JAKMIP2: variants seen among roughly 807,000 people sequenced by gnomAD.
JAKMIP2 encodes janus kinase and microtubule-interacting protein 2.
Under a neutral mutation model 115.0 loss-of-function variants are expected in JAKMIP2, and 25 were observed. The observed-to-expected ratio is 0.22, with a 90% CI of 0.16 to 0.30. JAKMIP2 has a LOEUF of 0.30. Among genes scored for constraint, JAKMIP2 ranks in the 10% least tolerant of loss-of-function variants. The pLI, the probability that JAKMIP2 is intolerant of heterozygous loss-of-function variation, is 1.00. For synonymous variants in JAKMIP2, 334 were observed against 343.6 expected, an observed-to-expected ratio of 0.97 and a Z score of 0.31; for missense variants, 642 against 957.6, an observed-to-expected ratio of 0.67 and a Z score of 4.35.
intron 17 of JAKMIP2, among the ~76,000 whole-genome samples, 153 bp from the exon 18 acceptor site, chr5:147,620,896 C>T (rs1756817367): frequency 6.6e-6 from 1 of 152,038 alleles, no homozygotes; most frequent in African/African-American, 2.4e-5. Flanking sequence ...AATAGTTCAA[C>T]TCTCATAGTC....
At chr5:147,681,016 G>A (rs1760237107) in intron 1 of JAKMIP2, among the ~76,000 whole-genome samples, 1 of 152,022 alleles carries the variant, frequency 6.6e-6, no homozygotes, top group Admixed American at 6.6e-5. Flanking sequence ...GTATGAAATC[G>A]CTGTCTTTAT....
intron 7 of JAKMIP2, among the ~76,000 whole-genome samples, chr5:147,642,982 T>G (rs1757953803): frequency 6.6e-6 from 1 of 152,066 alleles, no homozygotes; most frequent in Non-Finnish European, 1.5e-5. Context: ...TTCTCCTGAT[T>G]CTTCCTGCCC....
In JAKMIP2 at chr5:147,775,409, C is replaced by T. The variant is rs372604506; in HGVS notation, c.-149+7047G>A. ...TGAGTGTGTATCATATAACTTGCTG[C>T]TTATAATAATTAAATTACTAACTTA... On this transcript the variant is annotated intron_variant, in intron 1 of 21. Transcript: ENST00000616793. Among the ~76,000 whole-genome samples, 6 of 151,948 alleles carry T rather than the reference C, an allele frequency of 3.9e-5. No homozygotes were observed. The South Asian group carries it at 1.2e-3, about 32-fold the overall frequency.
chr5:147,746,594 C>A (rs996039484), intron 1 of JAKMIP2, among the ~76,000 whole-genome samples: 3 of 151,704 alleles, frequency 2.0e-5, no homozygotes, highest in African/African-American at 7.3e-5. Flanking sequence ...GAAAGTACTC[C>A]AGAAACATAG....
intron 1 of JAKMIP2, among the ~76,000 whole-genome samples, chr5:147,708,281 A>G (rs539331741): frequency 6.6e-6 from 1 of 152,330 alleles, no homozygotes; most frequent in East Asian, 1.9e-4. Context: ...CTCAGACATT[A>G]ACTCTCAAAA....
At chr5:147,705,127 G>A (rs952304631) in intron 1 of JAKMIP2, among the ~76,000 whole-genome samples, 4 of 152,150 alleles carry the variant, frequency 2.6e-5, no homozygotes, top group African/African-American at 9.7e-5. Flanking sequence ...TTCTTAAAAT[G>A]CCTTTTACAT....
At chr5:147,632,874 C>T in intron 12 of JAKMIP2, 96 bp from the exon 13 acceptor site, 1 of 698,470 alleles carries the variant, frequency 1.4e-6, no homozygotes, top group Non-Finnish European at 2.5e-6. Flanking sequence ...GTGAATAAGT[C>T]TTCCAGACCA....
At chr5:147,775,728 A>G (rs1302076552) in intron 1 of JAKMIP2, among the ~76,000 whole-genome samples, 1 of 152,212 alleles carries the variant, frequency 6.6e-6, no homozygotes, top group Middle Eastern at 3.2e-3. Context: ...TGAAAGAGCT[A>G]CTAGTTGAAG....
intron 18 of JAKMIP2, among the ~76,000 whole-genome samples, chr5:147,619,196 C>T (rs1049228589): frequency 3.9e-5 from 6 of 152,086 alleles, no homozygotes; most frequent in African/African-American, 1.4e-4. Context: ...TTTCCTAGCT[C>T]TTGTCCTGGG....
Position 147,611,263 on chromosome 5 carries a change from C to T in JAKMIP2, c.2412+1043G>A, listed in dbSNP as rs118109551. 0.011 allele frequency among the ~76,000 whole-genome samples: 1,673 copies of T among 152,312 alleles called. 59 individuals carry two copies. In the East Asian group the frequency reaches 0.13, roughly 11 times the overall value. On this transcript the variant is annotated intron_variant, in intron 20 of 21. Coordinates refer to ENST00000616793, the MANE Select transcript of JAKMIP2 (RefSeq NM_001270941.2). ...AAAACTCATGCAGCTAGCTCAGTGT[C>T]TGCCCAAACAGCCTCCTAGTTTTGT...
At chr5:147,715,892 G>A (rs1054979120) in intron 1 of JAKMIP2, among the ~76,000 whole-genome samples, 1 of 134,266 alleles carries the variant, frequency 7.4e-6, no homozygotes. Flanking sequence ...TGTGCACAAT[G>A]TGCAGGTTAG....
At chr5:147,728,785 T>C (rs1339327231) in intron 1 of JAKMIP2, among the ~76,000 whole-genome samples, 1 of 152,212 alleles carries the variant, frequency 6.6e-6, no homozygotes, top group Non-Finnish European at 1.5e-5. Flanking sequence ...GTTTGCTAAA[T>C]GCTTTAAGGT....
intron 1 of JAKMIP2, among the ~76,000 whole-genome samples, chr5:147,758,351 T>A (rs1041607102): frequency 3.3e-5 from 5 of 152,020 alleles, no homozygotes; most frequent in Admixed American, 6.6e-5. Context: ...TTAGGAGAGG[T>A]AAAAATAACT....
rs565477263 is a variant in JAKMIP2, at chr5:147,607,365, T to C, written c.2412+4941A>G. Among the ~76,000 whole-genome samples, 16 of 152,326 alleles carry C rather than the reference T, an allele frequency of 1.1e-4. No individual in the cohort carries two copies. The South Asian group carries it at 2.9e-3, about 28-fold the overall frequency. ...TATGTTCCATCAATACCTAGTTTAT[T>C]GAGTGTTTTTAGCATGAATGGGTGT... On this transcript the variant is annotated intron_variant, in intron 20 of 21. Coordinates refer to ENST00000616793, the MANE Select transcript of JAKMIP2 (RefSeq NM_001270941.2).
intron 19 of JAKMIP2, among the ~76,000 whole-genome samples, chr5:147,617,544 T>A (rs1170974664): frequency 6.6e-6 from 1 of 152,130 alleles, no homozygotes; most frequent in Non-Finnish European, 1.5e-5. Context: ...TTATCAGGCT[T>A]GTTTACGGAC....
At chr5:147,716,625 T>G (rs1177404756) in intron 1 of JAKMIP2, among the ~76,000 whole-genome samples, 2 of 151,894 alleles carry the variant, frequency 1.3e-5, no homozygotes, top group Admixed American at 6.5e-5. Context: ...ATGTGTTTTT[T>G]GGCTGCATAA....
rs548695596 is a variant in JAKMIP2 at position 147,608,337 on chromosome 5, T to C, written c.2412+3969A>G. On this transcript the variant is annotated intron_variant, in intron 20 of 21. Transcript: ENST00000616793. ...GTGCTATAAATTTCCCTCTAAACACTGTTTTAGCTGTGTCCCAGAGATTCT... is the reference window on the plus strand; with the variant it reads ...GTGCTATAAATTTCCCTCTAAACACCGTTTTAGCTGTGTCCCAGAGATTCT... Among the ~76,000 whole-genome samples the C allele has an allele frequency of 9.2e-5, 14 of 152,356 alleles. No homozygotes were observed. In the South Asian group the frequency reaches 2.5e-3, roughly 27 times the overall value.
chr5:147,600,087 GTTTTTTTT>G (rs369043130), intron 21 of JAKMIP2, among the ~76,000 whole-genome samples: 1 of 67,940 alleles, frequency 1.5e-5, no homozygotes, highest in African/African-American at 6.2e-5. Flanking sequence ...TTTATTTACT[GTTTTTTTT>G]TTTTTTTTTT....
chr5:147,782,209 T>G (rs1332982688), intron 1 of JAKMIP2, among the ~76,000 whole-genome samples: 2 of 152,166 alleles, frequency 1.3e-5, no homozygotes, highest in East Asian at 3.9e-4. Flanking sequence ...AGTGGCTCAG[T>G]CTGCATTCTG....
Sources: gnomAD v4.1 joint callset for allele counts (sites outside exome capture counted in the v4.1 genomes callset) on GRCh38, gnomAD v4.1.1 for gene constraint, MANE v1.5 for transcripts, NCBI Gene and HGNC (gene_info 2026-07-23, HGNC 2026-07-21) for gene names.